RNF8: variants seen among roughly 807,000 people sequenced by gnomAD.
The protein encoded by RNF8 is E3 ubiquitin-protein ligase RNF8.
RNF8 carries 8 observed loss-of-function variants against 59.3 expected under a neutral mutation model. The ratio of observed to expected loss-of-function variants is 0.13; its 90% confidence interval spans 0.08 to 0.24. The LOEUF (loss-of-function observed/expected upper bound fraction) is 0.24. Ranked by LOEUF, RNF8 falls within the 10% of genes least tolerant of loss-of-function variation. RNF8 has a pLI of 1.00. For missense variants in RNF8, 406 were observed against 572.6 expected (o/e 0.71, Z 2.97); for synonymous variants, 162 against 200.0 (o/e 0.81, Z 1.60).
At chr6:37,390,252 A>G (rs1037988300) in intron 7 of RNF8, among the ~76,000 whole-genome samples, 1 of 152,222 alleles carries the variant, frequency 6.6e-6, no homozygotes, top group Non-Finnish European at 1.5e-5. Context: ...AATTAATGCT[A>G]TGGAGAAAAA....
chr6:37,384,965 C>T lies in RNF8; in HGVS notation c.1441+3611C>T, dbSNP rs149012564. Among the ~76,000 whole-genome samples, 541 of 151,842 alleles carry T rather than the reference C, an allele frequency of 3.6e-3. 3 individuals carry two copies. The highest frequency in any genetic ancestry group is 0.011 in the African/African-American group (467 of 41,452). ...GGATCTTGGCAAGGTCAGGATGAGG[C>T]GGGAGTGTCCACATGCTTGTACTCA... On this transcript the variant is annotated intron_variant, in intron 7 of 7. Transcript: ENST00000373479.
chr6:37,372,429 A>T (rs1268998079), intron 4 of RNF8, among the ~76,000 whole-genome samples: 1 of 152,224 alleles, frequency 6.6e-6, no homozygotes, highest in East Asian at 1.9e-4. Context: ...ATGAAAATTA[A>T]TTCAATCTTT....
intron 7 of RNF8, among the ~76,000 whole-genome samples, chr6:37,390,050 CTAGTAAGTAA>C (rs1770663035): frequency 6.6e-6 from 1 of 152,240 alleles, no homozygotes; most frequent in Non-Finnish European, 1.5e-5. Flanking sequence ...AGCCTGGAGG[CTAGTAAGTAA>C]ACAGCCTTTC....
chr6:37,383,939 C>G (rs1171688180), intron 7 of RNF8, among the ~76,000 whole-genome samples: 1 of 152,050 alleles, frequency 6.6e-6, no homozygotes, highest in African/African-American at 2.4e-5. Context: ...CCCGTTTCTT[C>G]TGTTCTCATT....
At chr6:37,364,317 C>T (rs935824628) in intron 2 of RNF8, among the ~76,000 whole-genome samples, 3 of 151,876 alleles carry the variant, frequency 2.0e-5, no homozygotes, top group Non-Finnish European at 2.9e-5. Context: ...CACTTTATTG[C>T]CAAGGTGGCT....
chr6:37,358,824 C>G (rs181399501), intron 1 of RNF8, among the ~76,000 whole-genome samples: 1 of 152,036 alleles, frequency 6.6e-6, no homozygotes, highest in Middle Eastern at 3.2e-3. Context: ...GAGCCGGGCG[C>G]GGTGGCTCAC....
Position 37,360,920 on chromosome 6 carries a change from G to A in RNF8, c.240+346G>A, listed in dbSNP as rs1769295319. ...ATCTGCAGAATCTGCTGACGCTTCT[G>A]GAGTACACTTATGGCTCAGTGGACA... is the stretch of plus-strand genomic sequence containing the variant. On this transcript the variant is annotated intron_variant, in intron 2 of 7. Coordinates refer to ENST00000373479, the MANE Select transcript of RNF8 (RefSeq NM_003958.4). The surrounding 1 kb of genome is among the most constrained non-coding windows in gnomAD (Gnocchi z 4.2). Among the ~76,000 whole-genome samples, 1 of 152,112 alleles carries A rather than the reference G, an allele frequency of 6.6e-6. No homozygotes were observed. The highest frequency in any genetic ancestry group is 6.5e-5 in the Admixed American group (1 of 15,284).
intron 3 of RNF8, among the ~76,000 whole-genome samples, 188 bp from the exon 4 acceptor site, chr6:37,371,324 G>C (rs1769793226): frequency 6.6e-6 from 1 of 152,116 alleles, no homozygotes; most frequent in South Asian, 2.1e-4. Context: ...TGCAGTATTT[G>C]AGCAGATAAC....
chr6:37,361,415 A>G, intron 2 of RNF8: 1 of 454,284 alleles, frequency 2.2e-6, no homozygotes, highest in Non-Finnish European at 4.4e-6. Flanking sequence ...TGTGCTCATC[A>G]ACAAAGGGAT....
intron 7 of RNF8, among the ~76,000 whole-genome samples, chr6:37,383,968 A>G (rs1770386666): frequency 6.6e-6 from 1 of 152,100 alleles, no homozygotes. Flanking sequence ...GTTGGTTGAC[A>G]AGAGTGTTAA....
chr6:37,377,533 ATCT>A (rs1187036352), intron 6 of RNF8, among the ~76,000 whole-genome samples: 4 of 152,126 alleles, frequency 2.6e-5, no homozygotes, highest in South Asian at 4.1e-4. Context: ...TGTTTTTATA[ATCT>A]TCTTTCCCTT....
rs548370940 is a variant in RNF8, at chr6:37,377,326, C to G, written c.1236+293C>G. Among the ~76,000 whole-genome samples, 6 of 152,234 alleles carry G rather than the reference C, an allele frequency of 3.9e-5. No individual in the cohort carries two copies. In the South Asian group the frequency reaches 1.0e-3, roughly 26 times the overall value. ...TCCTGACCTCAGGTGATCTGCCCAC[C>G]TCAGCCTCCCAAAGTGCTGGGATTA... On this transcript the variant is annotated intron_variant, in intron 6 of 7. Transcript: ENST00000373479.
intron 4 of RNF8, among the ~76,000 whole-genome samples, chr6:37,373,260 C>T (rs935355373): frequency 9.2e-5 from 14 of 152,022 alleles, no homozygotes; most frequent in Admixed American, 3.3e-4. Flanking sequence ...CTTCACTGCC[C>T]TAAGCAGTCT....
chr6:37,392,332 A>G lies in RNF8; in HGVS notation c.*1574A>G, dbSNP rs563345527. On this transcript the variant is annotated 3_prime_UTR_variant, in exon 8 of 8. Transcript: ENST00000373479. ...TTCTGTGTTTAGTTTACATATTGTA[A>G]TTCATTTTTAAGAGAGTACAGACAT... is the stretch of plus-strand genomic sequence containing the variant. The G allele has an allele frequency of 2.5e-6, 1 of 397,642 alleles. No individual in the cohort carries two copies. Among genetic ancestry groups the G allele is most frequent in the South Asian group, 1.4e-4 (1 of 7,148 alleles). 24.6% of individuals were successfully genotyped at this position (397,642 alleles called of 1,614,324 possible).
chr6:37,379,025 G>C (rs986554870), intron 6 of RNF8, among the ~76,000 whole-genome samples: 12 of 151,964 alleles, frequency 7.9e-5, no homozygotes, highest in African/African-American at 2.9e-4. Context: ...TTATTTATTT[G>C]TTTATTTTTG....
At chr6:37,382,447 T>G (rs1770310429) in intron 7 of RNF8, among the ~76,000 whole-genome samples, 2 of 152,150 alleles carry the variant, frequency 1.3e-5, no homozygotes, top group Admixed American at 1.3e-4. Context: ...AGACATAATA[T>G]TCACATGATG....
intron 6 of RNF8, among the ~76,000 whole-genome samples, chr6:37,379,765 C>A (rs1770175469): frequency 6.6e-6 from 1 of 152,154 alleles, no homozygotes; most frequent in South Asian, 2.1e-4. Context: ...GAGATGATGT[C>A]TTATATAATT....
chr6:37,372,625 ACT>A (rs1198119685), intron 4 of RNF8, among the ~76,000 whole-genome samples: 3 of 152,054 alleles, frequency 2.0e-5, no homozygotes, highest in African/African-American at 4.8e-5. Context: ...ACAGGAAAAC[ACT>A]CTATCATTTT....
At chr6:37,371,617 G>T in intron 4 of RNF8, 43 bp downstream of exon 4, 1 of 1,544,658 alleles carries the variant, frequency 6.5e-7, no homozygotes, top group Non-Finnish European at 8.9e-7. Flanking sequence ...GCTGTGGAGT[G>T]GGGAGCAAAC....
Sources: allele counts gnomAD v4.1 joint callset (sites outside exome capture counted in the v4.1 genomes callset), GRCh38; gene constraint gnomAD v4.1.1; non-coding constraint Gnocchi (gnomAD v3.1); transcripts MANE v1.5; gene names NCBI Gene and HGNC (gene_info 2026-07-23, HGNC 2026-07-21).